TOX: variants seen among roughly 807,000 people sequenced by gnomAD.
TOX encodes thymocyte selection associated high mobility group box.
In TOX, 11 loss-of-function variants were observed where a neutral mutation model predicts 53.7. The ratio of observed to expected loss-of-function variants is 0.20; its 90% CI spans 0.13 to 0.34. The LOEUF (loss-of-function observed/expected upper bound fraction) is 0.34. TOX is among the 10% of genes least tolerant of loss of function. TOX has a pLI of 1.00. For missense variants in TOX, 570 were observed against 664.6 expected, an observed-to-expected ratio of 0.86 and a Z score of 1.56; for synonymous variants, 225 against 245.3, an observed-to-expected ratio of 0.92 and a Z score of 0.77.
chr8:58,908,117 C>T (rs1255730365), intron 3 of TOX, among the ~76,000 whole-genome samples: 1 of 152,038 alleles, frequency 6.6e-6, no homozygotes, highest in African/African-American at 2.4e-5. Context: ...GCCATAGGCC[C>T]CCAGTGTGTG....
intron 4 of TOX, among the ~76,000 whole-genome samples, chr8:58,845,273 T>C (rs1330515452): frequency 6.6e-6 from 1 of 152,146 alleles, no homozygotes; most frequent in African/African-American, 2.4e-5. Context: ...ATCTGCATAA[T>C]AGGCTGAACA....
chr8:59,112,808 T>C (rs1207178203), intron 1 of TOX, among the ~76,000 whole-genome samples: 1 of 152,198 alleles, frequency 6.6e-6, no homozygotes, highest in Admixed American at 6.5e-5. Context: ...TACAATCTTG[T>C]TTTCTGATAA....
intron 1 of TOX, among the ~76,000 whole-genome samples, chr8:59,007,225 T>TC (rs1403888822): frequency 6.6e-6 from 1 of 152,082 alleles, no homozygotes; most frequent in Non-Finnish European, 1.5e-5. Context: ...TGTCATCTTT[T>TC]TTTTTTTCTT....
intron 1 of TOX, among the ~76,000 whole-genome samples, chr8:58,977,127 A>C (rs951256067): frequency 6.6e-6 from 1 of 152,252 alleles, no homozygotes; most frequent in Non-Finnish European, 1.5e-5. Flanking sequence ...TCTATACTGA[A>C]AATCTGTTGT....
chr8:58,815,850 C>G, intron 6 of TOX, 126 bp from the exon 7 acceptor site: 1 of 1,016,024 alleles, frequency 9.8e-7, no homozygotes, highest in South Asian at 2.0e-5. Flanking sequence ...CCCGGACTCT[C>G]TGATCTAAGA....
chr8:59,119,092 TA>T lies in TOX; in HGVS notation c.-106del. ...AGAGTGAGGTGTCTGGGCTCAGGAGTAAAAGAAACACCTTCCTTCCCTCACA... is the reference window on the plus strand; with the variant it reads ...AGAGTGAGGTGTCTGGGCTCAGGAGTAAAGAAACACCTTCCTTCCCTCACA... On this transcript the variant is annotated 5_prime_UTR_variant, in exon 1 of 9. Transcript: ENST00000361421. The T allele has an allele frequency of 1.6e-6, 1 of 636,008 alleles. No individual in the cohort carries two copies. The highest frequency in any genetic ancestry group is 2.7e-6 in the Non-Finnish European group (1 of 372,942). The allele number at this position is 636,008 out of a possible 1,614,324, so 39.4% of individuals were successfully genotyped here. A position where few individuals can be genotyped will look rare whatever the true frequency, so the allele number is the denominator to read the frequency against.
chr8:58,899,212 G>A (rs575862595), intron 3 of TOX, among the ~76,000 whole-genome samples: 4 of 152,256 alleles, frequency 2.6e-5, no homozygotes, highest in Admixed American at 1.3e-4. Flanking sequence ...ATACTTTCCC[G>A]CTTTCTACTA....
At position 58,994,689 on chromosome 8, in the gene TOX, A is replaced by C. The variant is rs114359303; in HGVS notation, c.103-34681T>G. 5.9e-3 allele frequency among the ~76,000 whole-genome samples: 896 copies of C among 152,208 alleles called. 4 individuals carry two copies. The highest frequency in any genetic ancestry group is 0.021 in the African/African-American group (855 of 41,524). On this transcript the variant is annotated intron_variant, in intron 1 of 8. Coordinates refer to ENST00000361421, the MANE Select transcript of TOX (RefSeq NM_014729.3). ...AACAGAACATCTAAAATATTTTCCT[A>C]CTCTTTCAGAGATGGCCTGAAACTT...
chr8:58,815,674 G>A lies in TOX; in HGVS notation c.1056C>T (p.Ile352=), dbSNP rs1445767980. Residue 352 remains isoleucine (I), a synonymous_variant, in exon 7 of 9, where the codon ATC becomes ATT. Coordinates refer to ENST00000361421, the MANE Select transcript of TOX (RefSeq NM_014729.3). ...DVKTSQPPQL[I]NSKPSVFHGP... is the part of the protein sequence containing the mutation. ...CATGGAACACCGACGGCTTCGAATT[G>A]ATCAGCTGAGGAGGTTGAGATGTCT... The A allele has an allele frequency of 1.2e-6, 2 of 1,614,008 alleles. No homozygotes were observed. The highest frequency in any genetic ancestry group is 4.5e-5 in the East Asian group (2 of 44,872).
intron 1 of TOX, among the ~76,000 whole-genome samples, chr8:58,991,355 A>G (rs1813442287): frequency 6.6e-6 from 1 of 152,262 alleles, no homozygotes; most frequent in Non-Finnish European, 1.5e-5. Context: ...CTCGAGCACT[A>G]GAAGTCTGAT....
intron 1 of TOX, among the ~76,000 whole-genome samples, chr8:58,961,448 T>C (rs530826693): frequency 6.6e-6 from 1 of 152,080 alleles, no homozygotes; most frequent in Admixed American, 6.5e-5. Context: ...AAAAGCTGGG[T>C]GTTTTGGTTG....
chr8:58,900,927 T>C (rs974824980), intron 3 of TOX, among the ~76,000 whole-genome samples: 17 of 152,134 alleles, frequency 1.1e-4, no homozygotes, highest in African/African-American at 4.1e-4. Flanking sequence ...CATTCTTCTC[T>C]TGCATTTCAT....
intron 1 of TOX, among the ~76,000 whole-genome samples, chr8:58,997,767 C>T (rs965145923): frequency 6.6e-6 from 1 of 152,092 alleles, no homozygotes; most frequent in African/African-American, 2.4e-5. Flanking sequence ...TAGGATTATA[C>T]ATTTGGAAAC....
chr8:59,072,570 A>G (rs1804215924), intron 1 of TOX, among the ~76,000 whole-genome samples: 1 of 152,222 alleles, frequency 6.6e-6, no homozygotes, highest in African/African-American at 2.4e-5. Flanking sequence ...GAAATTGGTT[A>G]TTTAGTATCT....
intron 1 of TOX, among the ~76,000 whole-genome samples, chr8:59,016,988 G>A (rs1425973969): frequency 2.0e-5 from 3 of 152,154 alleles, no homozygotes; most frequent in African/African-American, 4.8e-5. Context: ...AATAACTTCT[G>A]GCTGAAGATG....
At chr8:58,996,057 T>C (rs1427134584) in intron 1 of TOX, among the ~76,000 whole-genome samples, 1 of 152,210 alleles carries the variant, frequency 6.6e-6, no homozygotes, top group African/African-American at 2.4e-5. Flanking sequence ...GTTTGAACAT[T>C]GTAATTTTTA....
chr8:59,110,968 T>C (rs1452882265), intron 1 of TOX, among the ~76,000 whole-genome samples: 4 of 152,192 alleles, frequency 2.6e-5, no homozygotes, highest in Non-Finnish European at 5.9e-5. Flanking sequence ...TTTGAACATC[T>C]TTCACCACAA....
chr8:58,858,049 C>T (rs1235714810), intron 3 of TOX, among the ~76,000 whole-genome samples: 4 of 152,076 alleles, frequency 2.6e-5, no homozygotes, highest in African/African-American at 7.2e-5. Flanking sequence ...GGATTACAGG[C>T]GTGAGCCACT....
At chr8:59,015,625 A>G (rs1292444214) in intron 1 of TOX, among the ~76,000 whole-genome samples, 1 of 152,222 alleles carries the variant, frequency 6.6e-6, no homozygotes, top group African/African-American at 2.4e-5. Context: ...ATGATTATAA[A>G]AGACATAGAT....
Sources: allele counts gnomAD v4.1 joint callset (sites outside exome capture counted in the v4.1 genomes callset), GRCh38; gene constraint gnomAD v4.1.1; transcripts MANE v1.5; gene names NCBI Gene and HGNC (gene_info 2026-07-23, HGNC 2026-07-21).